The following ATP6AP2 variants were observed in gnomAD, a reference collection of about 807,000 sequenced individuals.
ATP6AP2 encodes the protein renin receptor.
ATP6AP2 carries 1 observed loss-of-function variant against 23.4 expected under a neutral mutation model. The observed-to-expected ratio is 0.04, with a 90% CI of 0.02 to 0.20. The LOEUF (loss-of-function observed/expected upper bound fraction) is 0.20. ATP6AP2 is among the 10% of genes least tolerant of loss of function. The pLI, the probability that ATP6AP2 is intolerant of heterozygous loss-of-function variation, is 1.00. For synonymous variants in ATP6AP2, 90 were observed against 97.1 expected (o/e 0.93, Z 0.43); for missense variants, 174 against 271.3 (o/e 0.64, Z 2.52).
At chrX:40,600,716 AAG>A (rs763965127) in intron 7 of ATP6AP2, 44 bp from the exon 8 acceptor site, 5 of 1,150,709 alleles carry the variant, frequency 4.3e-6, no homozygotes, top group Non-Finnish European at 5.9e-6. Flanking sequence ...AAAATGAAAA[AAG>A]TACATAGTTG....
chrX:40,586,605 CTT>C (rs1926478677), intron 1 of ATP6AP2, among the ~76,000 whole-genome samples: 1 of 112,016 alleles, frequency 8.9e-6, no homozygotes, highest in Admixed American at 9.4e-5. Context: ...CAAGGAAAAA[CTT>C]TTCAAAGGAC....
chrX:40,587,862 A>C (rs768570532), intron 1 of ATP6AP2, among the ~76,000 whole-genome samples: 3 of 112,449 alleles, frequency 2.7e-5, no homozygotes, highest in African/African-American at 9.7e-5. Context: ...TGACATAGCC[A>C]GACCCTGTCT....
chrX:40,591,423 G>A (rs1926624253), intron 3 of ATP6AP2, 58 bp downstream of exon 3: 14 of 1,128,611 alleles, frequency 1.2e-5, no homozygotes, highest in African/African-American at 1.8e-5. Context: ...CTTGTCAGCT[G>A]TCATTATGAA....
intron 5 of ATP6AP2, chrX:40,598,304 T>G (rs1926824576): frequency 5.0e-6 from 1 of 201,601 alleles, no homozygotes; most frequent in Non-Finnish European, 9.0e-6. Context: ...CCATCATCCT[T>G]TATTCTCTGA....
At chrX:40,596,127 C>T (rs768213451) in intron 3 of ATP6AP2, among the ~76,000 whole-genome samples, 5 of 109,497 alleles carry the variant, frequency 4.6e-5, no homozygotes, top group African/African-American at 6.7e-5. Context: ...TGCACTGAGC[C>T]GAGATCGCGC....
chrX:40,589,367 C>A, intron 2 of ATP6AP2: 1 of 297,748 alleles, frequency 3.4e-6, no homozygotes, highest in African/African-American at 2.7e-5. Context: ...ACTCCCATCT[C>A]AAAAATAAAT....
Position 40,596,134 on chromosome X carries a change from G to T in ATP6AP2, c.301-1115G>T, listed in dbSNP as rs368123171. On this transcript the variant is annotated intron_variant, in intron 3 of 8. Coordinates refer to ENST00000636580, the MANE Select transcript of ATP6AP2 (RefSeq NM_005765.3). ...GTGGAGGCTGCACTGAGCCGAGATC[G>T]CGCCACTGTACTCCAGCCTGGGCAA... Among the ~76,000 whole-genome samples the T allele has an allele frequency of 4.5e-4, 50 of 109,905 alleles. No homozygotes were observed. The East Asian group carries it at 0.013, about 29-fold the overall frequency.
intron 1 of ATP6AP2, among the ~76,000 whole-genome samples, chrX:40,583,275 C>T (rs1252181878): frequency 9.0e-6 from 1 of 111,482 alleles, no homozygotes; most frequent in Non-Finnish European, 1.9e-5. Flanking sequence ...ATCCACCATT[C>T]GTAGACGATA....
In ATP6AP2 at chrX:40,597,840, C is replaced by T. The variant is rs2146542859; in HGVS notation, c.534+176C>T. On this transcript the variant is annotated intron_variant, in intron 5 of 8. Transcript: ENST00000636580. Reference sequence around the variant, plus strand: ...GGCTTGAGCCACTGCATCTGGCCTCCCATTCCTTATACTACTTGAAATTTT... The same window carrying T: ...GGCTTGAGCCACTGCATCTGGCCTCTCATTCCTTATACTACTTGAAATTTT... 4 of 469,603 alleles carry T rather than the reference C, an allele frequency of 8.5e-6. No homozygotes were observed. In the East Asian group the frequency reaches 1.6e-4, roughly 18 times the overall value. The allele number at this position is 469,603 out of a possible 1,213,427, so 38.7% of individuals were successfully genotyped here.
chrX:40,599,902 G>A, intron 7 of ATP6AP2, 161 bp downstream of exon 7: 1 of 558,306 alleles, frequency 1.8e-6, no homozygotes, highest in Non-Finnish European at 2.9e-6. Flanking sequence ...GGTCAAAAAT[G>A]TATATTGATA....
chrX:40,602,518 C>T (rs1369292313), intron 8 of ATP6AP2, among the ~76,000 whole-genome samples: 1 of 106,860 alleles, frequency 9.4e-6, no homozygotes, highest in Non-Finnish European at 1.9e-5. Context: ...GGCGTGGTGG[C>T]GCACGCCTGT....
intron 3 of ATP6AP2, chrX:40,592,499 AAAAG>A (rs886819378): frequency 2.1e-4 from 23 of 111,184 alleles, no homozygotes; most frequent in African/African-American, 5.6e-4. Flanking sequence ...GGGGGAAAAA[AAAAG>A]AAAGAAAGAG....
intron 4 of ATP6AP2, 90 bp downstream of exon 4, chrX:40,597,434 A>G: frequency 9.3e-7 from 1 of 1,076,194 alleles, no homozygotes; most frequent in Non-Finnish European, 1.3e-6. Context: ...ATGAAAATAT[A>G]AAACTAATTT....
At chrX:40,603,900 T>G (rs1035551985) in intron 8 of ATP6AP2, among the ~76,000 whole-genome samples, 2 of 111,079 alleles carry the variant, frequency 1.8e-5, no homozygotes, top group Non-Finnish European at 3.8e-5. Context: ...GCCACCACAC[T>G]CAGCTAATTT....
In ATP6AP2 at chrX:40,600,576, A is replaced by T. The variant is rs1602403398; in HGVS notation, c.739-186A>T. On this transcript the variant is annotated intron_variant, in intron 7 of 8. Transcript: ENST00000636580. ...AATAAGTATGTATTTGACTCACTGC[A>T]TAAAATGATAAGTAGGAGGTAATGC... 4 of 389,992 alleles carry T rather than the reference A, an allele frequency of 1.0e-5. No individual in the cohort carries two copies. The East Asian group carries it at 1.8e-4, about 18-fold the overall frequency. 32.1% of individuals were successfully genotyped at this position (389,992 alleles called of 1,213,427 possible).
At chrX:40,599,519 T>G (rs1926850860) in intron 6 of ATP6AP2, 73 bp from the exon 7 acceptor site, 11 of 1,163,305 alleles carry the variant, frequency 9.5e-6, no homozygotes, top group Non-Finnish European at 1.2e-5. Context: ...GGCATAAAAC[T>G]TTAACTGGCT....
Position 40,597,636 on chromosome X carries a change from C to G in ATP6AP2, c.506C>G (p.Pro169Arg), listed in dbSNP as rs768104799. The change falls in exon 5 of 9, where the codon CCC (proline) becomes CGC (arginine). Residue 169 changes from proline (P) to arginine (R), a missense_variant. Physicochemically the swap from Pro to Arg is moderately radical, Grantham distance 103 (BLOSUM62 -2). Transcript: ENST00000636580. ...FQENSVLSSL[P>R]LNSLSRNNEV... is the part of the protein sequence containing the mutation. ...GAAAACTCTGTTCTCAGTTCACTCC[C>G]CCTCAATTCTCTGAGTAGGAACAAT... The G allele has an allele frequency of 3.4e-5, 41 of 1,206,978 alleles. No homozygotes were observed. The highest frequency in any genetic ancestry group is 2.2e-6 in the Non-Finnish European group (2 of 892,475).
At chrX:40,590,454 C>G (rs1926599811) in intron 2 of ATP6AP2, 1 of 111,956 alleles carries the variant, frequency 8.9e-6, no homozygotes, top group Non-Finnish European at 1.9e-5. Flanking sequence ...TCTCGGCTTA[C>G]TGCAACCTCC....
intron 8 of ATP6AP2, among the ~76,000 whole-genome samples, chrX:40,604,059 A>G (rs1035341500): frequency 9.0e-6 from 1 of 111,719 alleles, no homozygotes; most frequent in African/African-American, 3.3e-5. Context: ...CTGTGTTCCT[A>G]CTTTTAAAAT....
Sources: allele counts gnomAD v4.1 joint callset (sites outside exome capture counted in the v4.1 genomes callset), GRCh38; gene constraint gnomAD v4.1.1; transcripts MANE v1.5; gene names NCBI Gene and HGNC (gene_info 2026-07-23, HGNC 2026-07-21).